PTPRN2: variants seen among roughly 807,000 people sequenced by gnomAD.
PTPRN2 encodes the protein receptor-type tyrosine-protein phosphatase N2.
A neutral mutation model predicts 118.8 loss-of-function variants in PTPRN2; 74 were observed. The observed-to-expected ratio is 0.62, with a 90% CI of 0.52 to 0.76. The LOEUF (loss-of-function observed/expected upper bound fraction) is 0.76, where lower values mean the gene tolerates loss of function less well. Among genes scored for constraint, PTPRN2 ranks in the 30% least tolerant of loss-of-function variants. The pLI is 0.00. For missense variants in PTPRN2, 1,481 were observed against 1,394.4 expected (o/e 1.06, Z -0.99); for synonymous variants, 641 against 608.0 (o/e 1.05, Z -0.80).
In PTPRN2 at chr7:158,343,603, G is replaced by C. The variant is rs11766471; in HGVS notation, c.164-26671C>G. ...GCGCAGAGGCTCAGGCAGCCATGCT[G>C]GTGGCACATGGGCTGTCGCGACTGC... On this transcript the variant is annotated intron_variant, in intron 2 of 22. Transcript: ENST00000389418. Among the ~76,000 whole-genome samples, 874 of 109,770 alleles carry C rather than the reference G, an allele frequency of 8.0e-3. 14 individuals are homozygous for C. The highest frequency in any genetic ancestry group is 0.023 in the Middle Eastern group (3 of 130). 72.0% of individuals were successfully genotyped at this position (109,770 alleles called of 152,430 possible).
intron 14 of PTPRN2, among the ~76,000 whole-genome samples, chr7:157,655,749 T>A (rs891534275): frequency 7.9e-5 from 12 of 152,084 alleles, no homozygotes; most frequent in Admixed American, 2.6e-4. Flanking sequence ...TTGACAGCTG[T>A]CCTAATAACA....
At chr7:158,524,615 A>G (rs924696060) in intron 1 of PTPRN2, among the ~76,000 whole-genome samples, 6 of 152,094 alleles carry the variant, frequency 3.9e-5, no homozygotes, top group African/African-American at 1.4e-4. Context: ...TGTTATGGTC[A>G]AGCCCCAGAA....
chr7:158,171,328 T>TATAC lies in PTPRN2; in HGVS notation c.550-4038_550-4037insGTAT, dbSNP rs1175788714. On this transcript the variant is annotated intron_variant, in intron 5 of 22. Coordinates refer to ENST00000389418, the MANE Select transcript of PTPRN2 (RefSeq NM_002847.5). Reference sequence around the variant, plus strand: ...ACACACATATATATATATATATATATATATATATATATATATATATACACA... The same window carrying TATAC: ...ACACACATATATATATATATATATATATACATATATATATATATATATATACACA... 3.2e-4 allele frequency among the ~76,000 whole-genome samples: 40 copies of TATAC among 124,460 alleles called. 5 individuals carry two copies. The highest frequency in any genetic ancestry group is 1.3e-3 in the African/African-American group (40 of 29,956). The allele number at this position is 124,460 out of a possible 152,430, so 81.7% of individuals were successfully genotyped here.
chr7:158,570,364 A>C lies in PTPRN2; in HGVS notation c.112+17194T>G, dbSNP rs1827947895. 6.6e-6 allele frequency among the ~76,000 whole-genome samples: 1 copy of C among 152,138 alleles called. No homozygotes were observed. Among genetic ancestry groups the C allele is most frequent in the Non-Finnish European group, 1.5e-5 (1 of 68,020 alleles). ...GACAAGGTGTTTTGCTGAATAAATAAATTAATACATAATAAAGGCTGCGTC... is the reference window on the plus strand; with the variant it reads ...GACAAGGTGTTTTGCTGAATAAATACATTAATACATAATAAAGGCTGCGTC... On this transcript the variant is annotated intron_variant, in intron 1 of 22. Coordinates refer to ENST00000389418, the MANE Select transcript of PTPRN2 (RefSeq NM_002847.5). The surrounding 1 kb of genome is among the most constrained non-coding windows in gnomAD (Gnocchi z 4.5).
At chr7:158,102,857 T>A (rs1815351915) in intron 10 of PTPRN2, among the ~76,000 whole-genome samples, 1 of 152,116 alleles carries the variant, frequency 6.6e-6, no homozygotes, top group Non-Finnish European at 1.5e-5. Context: ...ACACGGCTAA[T>A]GTTCTGGGGG....
intron 2 of PTPRN2, among the ~76,000 whole-genome samples, chr7:158,328,793 T>TC (rs368096894): frequency 0.032 from 4,283 of 133,870 alleles, 85 homozygotes; most frequent in Non-Finnish European, 0.039. Flanking sequence ...GGGCCTCCAT[T>TC]CCCCCCCCCC....
At chr7:158,210,129 A>ATTT (rs1563608058) in intron 3 of PTPRN2, among the ~76,000 whole-genome samples, 1 of 128,672 alleles carries the variant, frequency 7.8e-6, no homozygotes, top group Non-Finnish European at 1.6e-5. Flanking sequence ...CTAATGATGC[A>ATTT]TCTTTTTTTT....
rs1807133900 is a variant in PTPRN2, at chr7:158,024,636, C to T, written c.1723+56662G>A. On this transcript the variant is annotated intron_variant, in intron 11 of 22. Coordinates refer to ENST00000389418, the MANE Select transcript of PTPRN2 (RefSeq NM_002847.5). ...ACGACCACCAGGATGTGGCTCCTGA[C>T]CCCATGGGGCTGATCTGTGGGGCAG... Among the ~76,000 whole-genome samples, 3 of 152,188 alleles carry T rather than the reference C, an allele frequency of 2.0e-5. No individual in the cohort carries two copies. In the South Asian group the frequency reaches 6.2e-4, roughly 32 times the overall value.
At chr7:158,573,134 A>C (rs1366418567) in intron 1 of PTPRN2, among the ~76,000 whole-genome samples, 1 of 152,230 alleles carries the variant, frequency 6.6e-6, no homozygotes, top group Non-Finnish European at 1.5e-5. Context: ...TTTTATAAAA[A>C]TACTTAATGG....
chr7:158,394,897 C>G (rs1423807904), intron 2 of PTPRN2, among the ~76,000 whole-genome samples: 2 of 152,226 alleles, frequency 1.3e-5, no homozygotes, highest in African/African-American at 4.8e-5. Context: ...GACAGTGGGA[C>G]AGCGGCCAGG....
chr7:158,136,420 T>C, intron 8 of PTPRN2, among the ~76,000 whole-genome samples: 1 of 152,212 alleles, frequency 6.6e-6, no homozygotes, highest in East Asian at 1.9e-4. Context: ...ACGACTTTCA[T>C]ATTTCTACCA....
At position 157,764,433 on chromosome 7, in the gene PTPRN2, T is replaced by C. The variant is rs1163634174; in HGVS notation, c.1789-81496A>G. ...GAGATTTTGGATGCAGGCTACAACA[T>C]GGATGAACCTTGAAGATGTTATGCT... On this transcript the variant is annotated intron_variant, in intron 12 of 22. Coordinates refer to ENST00000389418, the MANE Select transcript of PTPRN2 (RefSeq NM_002847.5). This position sits in a 1 kb window ranked among gnomAD's most constrained non-coding sequence, Gnocchi z 4.5. Among the ~76,000 whole-genome samples, 1 of 152,218 alleles carries C rather than the reference T, an allele frequency of 6.6e-6. No homozygotes were observed. Among genetic ancestry groups the C allele is most frequent in the African/African-American group, 2.4e-5 (1 of 41,476 alleles).
chr7:157,825,425 T>C (rs188418711), intron 12 of PTPRN2, among the ~76,000 whole-genome samples: 1 of 152,286 alleles, frequency 6.6e-6, no homozygotes, highest in Non-Finnish European at 1.5e-5. Flanking sequence ...CCCAGACTTC[T>C]TCCACAGGAA....
chr7:158,310,685 G>A lies in PTPRN2; in HGVS notation c.277+6134C>T, dbSNP rs909147241. On this transcript the variant is annotated intron_variant, in intron 3 of 22. Transcript: ENST00000389418. ...GGGCGAGCCCTGAGCCGGACAGAGC[G>A]CAAGTCCCACGGAGGGCGAGCCCTG... 3.3e-5 allele frequency among the ~76,000 whole-genome samples: 5 copies of A among 151,940 alleles called. 1 individual carries two copies. The highest frequency in any genetic ancestry group is 6.5e-5 in the Admixed American group (1 of 15,292).
chr7:158,355,780 G>A (rs1808342115), intron 2 of PTPRN2, among the ~76,000 whole-genome samples: 1 of 152,240 alleles, frequency 6.6e-6, no homozygotes, highest in Non-Finnish European at 1.5e-5. Flanking sequence ...AGCATCCAGG[G>A]AACGCAGGGG....
At chr7:157,770,884 T>G (rs961882756) in intron 12 of PTPRN2, among the ~76,000 whole-genome samples, 8 of 151,930 alleles carry the variant, frequency 5.3e-5, no homozygotes, top group African/African-American at 1.9e-4. Flanking sequence ...GCTTGGCCAG[T>G]TGAGGCAGCA....
chr7:157,654,962 G>A (rs1805973321), intron 14 of PTPRN2, among the ~76,000 whole-genome samples: 1 of 152,140 alleles, frequency 6.6e-6, no homozygotes, highest in South Asian at 2.1e-4. Flanking sequence ...TTTCTAAAAG[G>A]GACAAATGTC....
intron 12 of PTPRN2, among the ~76,000 whole-genome samples, chr7:157,867,882 C>T (rs567427036): frequency 6.0e-4 from 91 of 152,264 alleles, no homozygotes; most frequent in Non-Finnish European, 8.5e-4. Context: ...AGCAAAGGGC[C>T]GCAGGCGTGG....
At position 158,166,214 on chromosome 7, in the gene PTPRN2, A is replaced by C. The variant is rs2150588550; in HGVS notation, c.910+717T>G. On this transcript the variant is annotated intron_variant, in intron 6 of 22. Coordinates refer to ENST00000389418, the MANE Select transcript of PTPRN2 (RefSeq NM_002847.5). Reference sequence around the variant, plus strand: ...GGGATGAACAAGAAGTGAGAAGGGAACACACACTGTCCTCACACCCTCAGG... The same window carrying C: ...GGGATGAACAAGAAGTGAGAAGGGACCACACACTGTCCTCACACCCTCAGG... Among the ~76,000 whole-genome samples, 5 of 151,132 alleles carry C rather than the reference A, an allele frequency of 3.3e-5. 2 individuals carry two copies. Among genetic ancestry groups the C allele is most frequent in the African/African-American group, 4.9e-5 (2 of 41,220 alleles).
Sources: allele counts gnomAD v4.1 joint callset (sites outside exome capture counted in the v4.1 genomes callset), GRCh38; gene constraint gnomAD v4.1.1; non-coding constraint Gnocchi (gnomAD v3.1); transcripts MANE v1.5; gene names NCBI Gene and HGNC (gene_info 2026-07-23, HGNC 2026-07-21).